The following DUSP4 variants were observed in gnomAD, a reference collection of about 807,000 sequenced individuals.
The protein encoded by DUSP4 is dual specificity phosphatase 4, also known as dual specificity protein phosphatase 4.
Under a neutral mutation model 27.2 loss-of-function variants are expected in DUSP4, and 12 were observed. The observed-to-expected ratio is 0.44, with a 90% confidence interval of 0.28 to 0.71. DUSP4 has a LOEUF of 0.71. DUSP4 is among the 30% of genes least tolerant of loss of function. The pLI, the probability that DUSP4 is intolerant of heterozygous loss-of-function variation, is 0.14. For synonymous variants in DUSP4, 257 were observed against 245.2 expected, an observed-to-expected ratio of 1.05 and a Z score of -0.45; for missense variants, 448 against 551.3, an observed-to-expected ratio of 0.81 and a Z score of 1.88.
intron 1 of DUSP4, among the ~76,000 whole-genome samples, chr8:29,349,304 T>A (rs1488348085): frequency 6.6e-6 from 1 of 151,108 alleles, no homozygotes. Flanking sequence ...CAGATACAGA[T>A]CGCTCTACAC....
At chr8:29,341,225 C>A (rs1342292106) in intron 1 of DUSP4, among the ~76,000 whole-genome samples, 1 of 152,182 alleles carries the variant, frequency 6.6e-6, no homozygotes, top group Non-Finnish European at 1.5e-5. Context: ...CGTTGGAGAA[C>A]CACCATTCCA....
chr8:29,337,144 G>A lies in DUSP4; in HGVS notation c.1067C>T (p.Thr356Ile). Residue 356 changes from threonine (T) to isoleucine (I), a missense_variant, in exon 4 of 4, where the codon ACC becomes ATC. Coordinates refer to ENST00000240100, the MANE Select transcript of DUSP4 (RefSeq NM_001394.7). This position sits in a 1 kb window ranked among gnomAD's most constrained non-coding sequence, Gnocchi z 6.4. ...PSGPLRERGK[T>I]PATPTSQFVF... is the part of the protein sequence containing the mutation. The stretch of plus-strand genomic sequence containing the variant: ...GAACTGCGAGGTGGGGGTGGCGGGG[G>A]TCTTGCCCCGCTCCCGCAGGGGTCC... 6.2e-7 allele frequency: 1 copy of A among 1,611,206 alleles called. No individual in the cohort carries two copies. The highest frequency in any genetic ancestry group is 8.5e-7 in the Non-Finnish European group (1 of 1,178,850).
At chr8:29,349,701 A>T in intron 1 of DUSP4, 145 bp downstream of exon 1, 1 of 1,189,078 alleles carries the variant, frequency 8.4e-7, no homozygotes, top group Non-Finnish European at 1.1e-6. Flanking sequence ...GCAAACCCCT[A>T]CACACCAACA....
chr8:29,340,090 G>C lies in DUSP4; in HGVS notation c.579+8C>G. Reference sequence around the variant, plus strand: ...CCCCCACTTCCAAGCCCTGCCCCCCGAGTCTACCTGGTCGTGTAGTGGGGT... The same window carrying C: ...CCCCCACTTCCAAGCCCTGCCCCCCCAGTCTACCTGGTCGTGTAGTGGGGT... On this transcript the variant is annotated splice_region_variant and intron_variant, in intron 2 of 3. Coordinates refer to ENST00000240100, the MANE Select transcript of DUSP4 (RefSeq NM_001394.7). 6.4e-7 allele frequency: 1 copy of C among 1,559,646 alleles called. No homozygotes were observed. The highest frequency in any genetic ancestry group is 8.7e-7 in the Non-Finnish European group (1 of 1,151,744).
rs1817564707 is a variant in DUSP4, at chr8:29,335,869, C to T, written c.*1157G>A. On this transcript the variant is annotated 3_prime_UTR_variant, in exon 4 of 4. Coordinates refer to ENST00000240100, the MANE Select transcript of DUSP4 (RefSeq NM_001394.7). The stretch of plus-strand genomic sequence containing the variant: ...GTTTATGCAAAAAATGCTGCAACCA[C>T]CCAGTGATCATCGGAGGGAAAAAAG... The T allele has an allele frequency of 6.6e-6, 1 of 152,172 alleles. No homozygotes were observed. The highest frequency in any genetic ancestry group is 1.5e-5 in the Non-Finnish European group (1 of 68,036). 9.4% of individuals were successfully genotyped at this position (152,172 alleles called of 1,614,324 possible). A position where few individuals can be genotyped will look rare whatever the true frequency, so the allele number is the denominator to read the frequency against.
intron 2 of DUSP4, among the ~76,000 whole-genome samples, chr8:29,338,731 G>T (rs1817615000): frequency 6.6e-6 from 1 of 152,214 alleles, no homozygotes; most frequent in South Asian, 2.1e-4. Flanking sequence ...AGAGGCCAGG[G>T]CAGGTAAAGT....
At position 29,336,990 on chromosome 8, in the gene DUSP4, G is replaced by A. The variant is rs1049695963; in HGVS notation, c.*36C>T. The A allele has an allele frequency of 3.9e-6, 6 of 1,536,832 alleles. No homozygotes were observed. The Admixed American group carries it at 1.0e-4, about 27-fold the overall frequency. On this transcript the variant is annotated 3_prime_UTR_variant, in exon 4 of 4. Coordinates refer to ENST00000240100, the MANE Select transcript of DUSP4 (RefSeq NM_001394.7). The stretch of plus-strand genomic sequence containing the variant: ...CATGCGGCCCGTCCTACCCTTGCTG[G>A]GAGCCAGCTCTGGTTCTGGGGCCCC...
chr8:29,338,317 A>G lies in DUSP4; in HGVS notation c.764T>C (p.Ile255Thr), dbSNP rs1563860021. 3.1e-6 allele frequency: 5 copies of G among 1,613,922 alleles called. No individual in the cohort carries two copies. Among genetic ancestry groups the G allele is most frequent in the African/African-American group, 1.3e-5 (1 of 74,906 alleles). Reference sequence around the variant, plus strand: ...TATGGCTTCCATGAACCAGGAGCTGATGTCGGCCTTGTGGTTATCTTCCAC... The same window carrying G: ...TATGGCTTCCATGAACCAGGAGCTGGTGTCGGCCTTGTGGTTATCTTCCAC... ...IPVEDNHKAD[I>T]SSWFMEAIEY... Residue 255 changes from isoleucine to threonine, a missense_variant, in exon 3 of 4, where the codon ATC becomes ACC. By Grantham distance (89) the Ile-to-Thr change is moderately conservative. Around this residue, in one of 3 missense-constraint regions of DUSP4, gnomAD observed 345 missense variants for 394.0 expected, o/e 0.88. Coordinates refer to ENST00000240100, the MANE Select transcript of DUSP4 (RefSeq NM_001394.7).
intron 1 of DUSP4, among the ~76,000 whole-genome samples, chr8:29,342,857 T>C (rs898365298): frequency 1.3e-5 from 2 of 152,076 alleles, no homozygotes; most frequent in African/African-American, 2.4e-5. Flanking sequence ...TGAGGGAGTT[T>C]TAAAGAACAA....
At chr8:29,349,287 G>A (rs1171989781) in intron 1 of DUSP4, among the ~76,000 whole-genome samples, 1 of 151,620 alleles carries the variant, frequency 6.6e-6, no homozygotes, top group African/African-American at 2.4e-5. Context: ...GTTGGGCAGC[G>A]GGAACGCAGA....
rs888616566 is a variant in DUSP4, at chr8:29,350,574, T to C, written c.-296A>G. On this transcript the variant is annotated 5_prime_UTR_variant, in exon 1 of 4. Transcript: ENST00000240100. ...TTACGAGAGAGGACCGCGGACTCTT[T>C]TCGGCGACGGCCTCCCGTGTATTTT... The C allele has an allele frequency of 4.2e-5, 15 of 361,434 alleles. No individual in the cohort carries two copies. Among genetic ancestry groups the C allele is most frequent in the African/African-American group, 6.4e-5 (3 of 47,228 alleles). The allele number at this position is 361,434 out of a possible 1,614,324, so 22.4% of individuals were successfully genotyped here. A position where few individuals can be genotyped will look rare whatever the true frequency, so the allele number is the denominator to read the frequency against.
chr8:29,339,831 C>T (rs1051080509), intron 2 of DUSP4, among the ~76,000 whole-genome samples: 1 of 134,396 alleles, frequency 7.4e-6, no homozygotes, highest in Non-Finnish European at 1.6e-5. Flanking sequence ...TAGCAAGACC[C>T]CCCCCCCCCA....
Position 29,336,827 on chromosome 8 carries a change from G to T in DUSP4, c.*199C>A. The T allele has an allele frequency of 1.4e-6, 1 of 714,286 alleles. No homozygotes were observed. Among genetic ancestry groups the T allele is most frequent in the Non-Finnish European group, 2.2e-6 (1 of 464,532 alleles). 44.2% of individuals were successfully genotyped at this position (714,286 alleles called of 1,614,324 possible). A position where few individuals can be genotyped will look rare whatever the true frequency, so the allele number is the denominator to read the frequency against. On this transcript the variant is annotated 3_prime_UTR_variant, in exon 4 of 4. Coordinates refer to ENST00000240100, the MANE Select transcript of DUSP4 (RefSeq NM_001394.7). Reference sequence around the variant, plus strand: ...GCGGCAGCCGTTATTGCTCTAAGTTGGAGTGTTCTGTTTGCTTTTATTATG... The same window carrying T: ...GCGGCAGCCGTTATTGCTCTAAGTTTGAGTGTTCTGTTTGCTTTTATTATG...
At chr8:29,345,320 C>G (rs1817715058) in intron 1 of DUSP4, 1 of 1,601,710 alleles carries the variant, frequency 6.2e-7, no homozygotes, top group Non-Finnish European at 8.5e-7. Flanking sequence ...TAGTAAGCAC[C>G]TATGTAAATG....
chr8:29,347,800 T>A (rs1165292007), intron 1 of DUSP4: 12 of 985,412 alleles, frequency 1.2e-5, no homozygotes, highest in Non-Finnish European at 1.4e-5. Flanking sequence ...CCTAGAGGCC[T>A]GTACTACCCA....
intron 1 of DUSP4, among the ~76,000 whole-genome samples, chr8:29,342,509 C>T (rs551101651): frequency 5.9e-5 from 9 of 152,102 alleles, no homozygotes; most frequent in Admixed American, 4.6e-4. Context: ...AAAGAGGAAC[C>T]GGGGACAGGG....
chr8:29,346,926 G>C (rs1817744620), intron 1 of DUSP4, among the ~76,000 whole-genome samples: 2 of 152,314 alleles, frequency 1.3e-5, no homozygotes, highest in Admixed American at 1.3e-4. Context: ...TGCTTTTACT[G>C]CTTCTCCTAA....
At position 29,337,645 on chromosome 8, in the gene DUSP4, G is replaced by A. The variant is rs898199432; in HGVS notation, c.800-234C>T. Among the ~76,000 whole-genome samples the A allele has an allele frequency of 6.6e-6, 1 of 152,182 alleles. No individual in the cohort carries two copies. Among genetic ancestry groups the A allele is most frequent in the African/African-American group, 2.4e-5 (1 of 41,430 alleles). On this transcript the variant is annotated intron_variant, in intron 3 of 3. Transcript: ENST00000240100. The surrounding 1 kb of genome is among the most constrained non-coding windows in gnomAD (Gnocchi z 6.4). ...GGTTAAATCCTATTATCTGTTCAAG[G>A]ATTTCCCTTTGCAGAAACAAAACAG...
chr8:29,341,135 A>G (rs1168927207), intron 1 of DUSP4, among the ~76,000 whole-genome samples: 1 of 152,204 alleles, frequency 6.6e-6, no homozygotes, highest in Non-Finnish European at 1.5e-5. Context: ...AGTGCTATCA[A>G]TGTATGGCCC....
Sources: allele counts gnomAD v4.1 joint callset (sites outside exome capture counted in the v4.1 genomes callset), GRCh38; gene constraint gnomAD v4.1.1; regional missense constraint gnomAD v4.1.1; non-coding constraint Gnocchi (gnomAD v3.1); transcripts MANE v1.5; gene names NCBI Gene and HGNC (gene_info 2026-07-23, HGNC 2026-07-21).